The following APP variants were observed in gnomAD, a reference collection of about 807,000 sequenced individuals.
APP encodes the protein amyloid-beta precursor protein.
In APP, 31 loss-of-function variants were observed where a neutral mutation model predicts 101.4. The ratio of observed to expected loss-of-function variants is 0.31; its 90% CI spans 0.23 to 0.41. The LOEUF is 0.41. Ranked by LOEUF, APP falls within the 10% of genes least tolerant of loss-of-function variation. The pLI, the probability that APP is intolerant of heterozygous loss-of-function variation, is 1.00. For synonymous variants in APP, 366 were observed against 364.4 expected (o/e 1.00, Z -0.05); for missense variants, 839 against 1,003.7 (o/e 0.84, Z 2.22).
chr21:25,930,048 C>T (rs1339901961), intron 13 of APP, among the ~76,000 whole-genome samples: 3 of 152,292 alleles, frequency 2.0e-5, no homozygotes, highest in South Asian at 4.1e-4. Context: ...TGTCCAGCTG[C>T]GTGCTGGACT....
chr21:25,976,251 G>C (rs765510998), intron 9 of APP, among the ~76,000 whole-genome samples: 5 of 151,886 alleles, frequency 3.3e-5, no homozygotes, highest in Non-Finnish European at 7.4e-5. Flanking sequence ...TTTATTGCAG[G>C]AATATAGCTT....
chr21:26,053,677 A>G (rs1044281840), intron 3 of APP, among the ~76,000 whole-genome samples: 7 of 152,202 alleles, frequency 4.6e-5, no homozygotes, highest in Admixed American at 1.3e-4. Flanking sequence ...ACAACAGGGG[A>G]GTAAAATATA....
At chr21:25,918,088 TGTTAGTTCAACC>T (rs999278419) in intron 13 of APP, among the ~76,000 whole-genome samples, 6 of 152,022 alleles carry the variant, frequency 3.9e-5, no homozygotes, top group African/African-American at 1.4e-4. Flanking sequence ...TTGGTGAGAG[TGTTAGTTCAACC>T]GTTGTGGAAG....
intron 15 of APP, among the ~76,000 whole-genome samples, chr21:25,901,002 AAAG>A (rs1186525808): frequency 2.0e-4 from 23 of 116,664 alleles, no homozygotes; most frequent in Admixed American, 5.3e-4. Flanking sequence ...AAAAAAAAAA[AAAG>A]AATGAGCTCT....
At chr21:25,996,741 C>T (rs1432341824) in intron 8 of APP, among the ~76,000 whole-genome samples, 2 of 152,210 alleles carry the variant, frequency 1.3e-5, no homozygotes, top group African/African-American at 2.4e-5. Context: ...ATTTACAACC[C>T]GATTGTGCGG....
intron 6 of APP, among the ~76,000 whole-genome samples, chr21:26,013,046 G>A (rs911567561): frequency 1.3e-5 from 2 of 151,450 alleles, no homozygotes; most frequent in African/African-American, 4.9e-5. Flanking sequence ...AGCTGGTGCA[G>A]TGGCTCACAC....
chr21:26,102,337 C>A (rs551890846), intron 2 of APP, among the ~76,000 whole-genome samples: 72 of 152,156 alleles, frequency 4.7e-4, no homozygotes, highest in African/African-American at 1.6e-3. Context: ...GATCTGCCCG[C>A]CTCGGCCTCC....
intron 3 of APP, among the ~76,000 whole-genome samples, chr21:26,072,482 T>C (rs1349556444): frequency 2.6e-5 from 4 of 152,214 alleles, no homozygotes; most frequent in Admixed American, 6.5e-5. Context: ...TAAGTTGAAG[T>C]ATCTGAAATA....
chr21:25,962,528 TCTCTA>T (rs1683364638), intron 11 of APP, among the ~76,000 whole-genome samples: 1 of 152,110 alleles, frequency 6.6e-6, no homozygotes, highest in Admixed American at 6.5e-5. Flanking sequence ...AACAAACACC[TCTCTA>T]CTCAGAATAG....
chr21:25,896,420 A>AC (rs2038048752), intron 16 of APP, among the ~76,000 whole-genome samples: 1 of 150,924 alleles, frequency 6.6e-6, no homozygotes, highest in African/African-American at 2.4e-5. Context: ...AGTAACACTC[A>AC]CACACACACA....
chr21:26,142,684 G>A (rs1428371698), intron 1 of APP, among the ~76,000 whole-genome samples: 1 of 151,984 alleles, frequency 6.6e-6, no homozygotes, highest in African/African-American at 2.4e-5. Context: ...TGGCAGCATC[G>A]CTTGAGCCCA....
intron 3 of APP, among the ~76,000 whole-genome samples, chr21:26,070,528 C>T (rs1221564049): frequency 1.3e-5 from 2 of 152,144 alleles, no homozygotes; most frequent in African/African-American, 4.8e-5. Flanking sequence ...TATCTGTCTA[C>T]ACCTGCTGAG....
intron 1 of APP, among the ~76,000 whole-genome samples, chr21:26,118,209 A>G (rs2062479930): frequency 6.6e-6 from 1 of 152,112 alleles, no homozygotes. Flanking sequence ...GTTATTCACT[A>G]CTCGTGAAAT....
intron 13 of APP, among the ~76,000 whole-genome samples, chr21:25,923,668 A>G (rs1278461403): frequency 7.2e-6 from 1 of 139,670 alleles, no homozygotes; most frequent in Non-Finnish European, 1.5e-5. Context: ...ATGCAAATCA[A>G]AACCACTATG....
chr21:26,124,930 T>C (rs559300917), intron 1 of APP, among the ~76,000 whole-genome samples: 2 of 152,336 alleles, frequency 1.3e-5, no homozygotes, highest in South Asian at 2.1e-4. Context: ...GATGGACAGA[T>C]AATCCAATGG....
intron 15 of APP, chr21:25,897,937 TGGG>T (rs1335803642): frequency 4.1e-6 from 2 of 483,970 alleles, no homozygotes; most frequent in Admixed American, 3.6e-5. Context: ...TTTTTGAAAA[TGGG>T]GGAAAAGCAG....
At chr21:26,123,931 AGAG>A (rs1198481768) in intron 1 of APP, among the ~76,000 whole-genome samples, 2 of 152,134 alleles carry the variant, frequency 1.3e-5, no homozygotes, top group Non-Finnish European at 2.9e-5. Context: ...CTCTGTTTGA[AGAG>A]AAGAAAAGAG....
At chr21:25,925,664 G>C (rs2039861298) in intron 13 of APP, among the ~76,000 whole-genome samples, 1 of 152,234 alleles carries the variant, frequency 6.6e-6, no homozygotes, top group South Asian at 2.1e-4. Context: ...GCTGGGCGTG[G>C]TGGCTCACGC....
chr21:25,997,316 A>C (rs753434226), intron 8 of APP, 44 bp downstream of exon 8: 13 of 1,579,126 alleles, frequency 8.2e-6, no homozygotes, highest in Non-Finnish European at 1.1e-5. Context: ...ACCAAGCAGC[A>C]TCCTCCTCCC....
Sources: allele counts gnomAD v4.1 joint callset (sites outside exome capture counted in the v4.1 genomes callset), GRCh38; gene constraint gnomAD v4.1.1; transcripts MANE v1.5; gene names NCBI Gene and HGNC (gene_info 2026-07-23, HGNC 2026-07-21).